The following LDLRAD3 variants were observed in gnomAD, a reference collection of about 807,000 sequenced individuals.
LDLRAD3 encodes low density lipoprotein receptor class A domain containing 3.
A neutral mutation model predicts 29.4 loss-of-function variants in LDLRAD3; 20 were observed. The observed-to-expected ratio is 0.68, with a 90% confidence interval of 0.48 to 0.99. The LOEUF (loss-of-function observed/expected upper bound fraction) is 0.99. Among genes scored for constraint, LDLRAD3 ranks in the 50% least tolerant of loss-of-function variants. LDLRAD3 has a pLI of 0.00. For missense variants in LDLRAD3, 420 were observed against 454.3 expected, an observed-to-expected ratio of 0.92 and a Z score of 0.69; for synonymous variants, 157 against 192.7, an observed-to-expected ratio of 0.81 and a Z score of 1.53.
Position 35,956,260 on chromosome 11 carries a change from G to A in LDLRAD3, c.46+12116G>A, listed in dbSNP as rs1851199636. ...CCAGCTACTCCGGAGGCTGAGACAG[G>A]AGGATCGCTTGAGGCCAGGAGTGGA... On this transcript the variant is annotated intron_variant, in intron 1 of 5. Coordinates refer to ENST00000315571, the MANE Select transcript of LDLRAD3 (RefSeq NM_174902.4). Among the ~76,000 whole-genome samples the A allele has an allele frequency of 3.9e-5, 6 of 152,318 alleles. No individual in the cohort carries two copies. The South Asian group carries it at 1.2e-3, about 32-fold the overall frequency.
intron 1 of LDLRAD3, among the ~76,000 whole-genome samples, chr11:35,982,892 C>T (rs1035444169): frequency 8.1e-6 from 1 of 122,838 alleles, no homozygotes; most frequent in African/African-American, 3.2e-5. Context: ...CTTGCTCTGT[C>T]GTCCAAGCTG....
At chr11:35,970,764 G>T (rs1050603495) in intron 1 of LDLRAD3, among the ~76,000 whole-genome samples, 1 of 152,214 alleles carries the variant, frequency 6.6e-6, no homozygotes, top group African/African-American at 2.4e-5. Flanking sequence ...TCATGATGGA[G>T]CCAGCAAGGT....
chr11:36,130,453 T>G (rs1231340395), intron 4 of LDLRAD3, among the ~76,000 whole-genome samples: 1 of 152,128 alleles, frequency 6.6e-6, no homozygotes, highest in Non-Finnish European at 1.5e-5. Context: ...CGTGAGGCCA[T>G]CAAAAGGTTC....
At chr11:36,098,999 T>TTC (rs1853406765) in intron 4 of LDLRAD3, among the ~76,000 whole-genome samples, 2 of 151,926 alleles carry the variant, frequency 1.3e-5, no homozygotes, top group South Asian at 2.1e-4. Context: ...ATTTTTTTTT[T>TTC]CCCATTTTTG....
chr11:36,222,995 A>T (rs1438826020), intron 4 of LDLRAD3, among the ~76,000 whole-genome samples: 2 of 152,216 alleles, frequency 1.3e-5, no homozygotes, highest in Non-Finnish European at 2.9e-5. Flanking sequence ...AGGGACAGCC[A>T]GAATAAATGG....
chr11:36,101,670 C>A (rs548711990), intron 4 of LDLRAD3, among the ~76,000 whole-genome samples: 4 of 152,184 alleles, frequency 2.6e-5, no homozygotes, highest in African/African-American at 7.2e-5. Flanking sequence ...GAGTGAGACT[C>A]TGGTATTAAG....
intron 3 of LDLRAD3, among the ~76,000 whole-genome samples, chr11:36,083,923 TTC>T (rs1419369878): frequency 6.6e-6 from 1 of 152,124 alleles, no homozygotes; most frequent in Non-Finnish European, 1.5e-5. Flanking sequence ...GTCTTTAATT[TTC>T]TCTTTTTTTT....
At chr11:36,097,525 G>T (rs528530423) in intron 3 of LDLRAD3, among the ~76,000 whole-genome samples, 1 of 152,058 alleles carries the variant, frequency 6.6e-6, no homozygotes, top group Non-Finnish European at 1.5e-5. Context: ...GCCAGCCTTC[G>T]GGTTGACCAT....
intron 4 of LDLRAD3, among the ~76,000 whole-genome samples, chr11:36,148,071 A>G (rs1854224251): frequency 6.6e-6 from 1 of 152,054 alleles, no homozygotes; most frequent in African/African-American, 2.4e-5. Context: ...GGGTTTCACC[A>G]TGTTGGCCAG....
chr11:35,976,597 A>G (rs1227002449), intron 1 of LDLRAD3, among the ~76,000 whole-genome samples: 1 of 152,092 alleles, frequency 6.6e-6, no homozygotes, highest in East Asian at 1.9e-4. Flanking sequence ...CCCTCCTGTG[A>G]CAGTGCATGA....
intron 2 of LDLRAD3, among the ~76,000 whole-genome samples, chr11:36,046,148 C>CT (rs889425529): frequency 8.5e-5 from 13 of 152,214 alleles, no homozygotes; most frequent in Middle Eastern, 3.4e-3. Flanking sequence ...TGAACTCATT[C>CT]TTTTTTATGG....
chr11:36,123,984 A>G (rs1444342001), intron 4 of LDLRAD3, among the ~76,000 whole-genome samples: 1 of 152,246 alleles, frequency 6.6e-6, no homozygotes, highest in African/African-American at 2.4e-5. Flanking sequence ...TCACAACTGA[A>G]AGCAGACTAA....
At chr11:36,222,275 G>A (rs1855439630) in intron 4 of LDLRAD3, among the ~76,000 whole-genome samples, 1 of 151,942 alleles carries the variant, frequency 6.6e-6, no homozygotes, top group Non-Finnish European at 1.5e-5. Context: ...GCAGAGACAG[G>A]GTCTCCCTAT....
At chr11:36,122,798 T>A (rs946090866) in intron 4 of LDLRAD3, among the ~76,000 whole-genome samples, 8 of 152,116 alleles carry the variant, frequency 5.3e-5, no homozygotes, top group African/African-American at 1.9e-4. Flanking sequence ...GCAGAAGGAT[T>A]GCTTAAGCCC....
chr11:36,042,844 A>T (rs985113217), intron 2 of LDLRAD3, among the ~76,000 whole-genome samples: 2 of 152,220 alleles, frequency 1.3e-5, no homozygotes, highest in Non-Finnish European at 2.9e-5. Context: ...AGATCCTTCC[A>T]TCACAGCCCC....
chr11:36,094,536 T>A (rs941158389), intron 3 of LDLRAD3, among the ~76,000 whole-genome samples: 1 of 152,162 alleles, frequency 6.6e-6, no homozygotes, highest in African/African-American at 2.4e-5. Context: ...TTGAGCCTTT[T>A]CTTTTCTTTT....
intron 2 of LDLRAD3, among the ~76,000 whole-genome samples, chr11:36,044,398 G>A (rs1424821953): frequency 6.6e-6 from 1 of 152,174 alleles, no homozygotes; most frequent in African/African-American, 2.4e-5. Flanking sequence ...GGTGCCTGGT[G>A]TGAGTTAAGC....
chr11:36,210,374 C>T (rs1855267686), intron 4 of LDLRAD3, among the ~76,000 whole-genome samples: 1 of 152,032 alleles, frequency 6.6e-6, no homozygotes, highest in Admixed American at 6.5e-5. Flanking sequence ...AAACACAGCC[C>T]CATTAATGTT....
At chr11:36,204,642 C>T (rs1428643606) in intron 4 of LDLRAD3, among the ~76,000 whole-genome samples, 1 of 152,056 alleles carries the variant, frequency 6.6e-6, no homozygotes, top group African/African-American at 2.4e-5. Flanking sequence ...CACCCACCAC[C>T]ACGCCCTGCT....
Sources: gnomAD v4.1 joint callset for allele counts (sites outside exome capture counted in the v4.1 genomes callset) on GRCh38, gnomAD v4.1.1 for gene constraint, MANE v1.5 for transcripts, NCBI Gene and HGNC (gene_info 2026-07-23, HGNC 2026-07-21) for gene names.